APOBEC3G: variants seen among roughly 807,000 people sequenced by gnomAD.
APOBEC3G encodes DNA dC->dU-editing enzyme APOBEC-3G.
A neutral mutation model predicts 50.0 loss-of-function variants in APOBEC3G; 44 were observed. The ratio of observed to expected loss-of-function variants is 0.88; its 90% confidence interval spans 0.69 to 1.13. APOBEC3G has a LOEUF of 1.13. Ranked by LOEUF, APOBEC3G falls within the 50% of genes most tolerant of loss-of-function variation. The pLI, the probability that APOBEC3G is intolerant of heterozygous loss-of-function variation, is 0.00. For missense variants in APOBEC3G, 469 were observed against 492.0 expected (o/e 0.95, Z 0.44); for synonymous variants, 156 against 175.3 (o/e 0.89, Z 0.87).
chr22:39,080,147 C>CA, intron 2 of APOBEC3G: 1 of 483,918 alleles, frequency 2.1e-6, no homozygotes. Context: ...GTCACCCCCC[C>CA]CGACATGGAC....
chr22:39,081,173 C>T lies in APOBEC3G; in HGVS notation c.412C>T (p.Leu138=), dbSNP rs1376336348. ...DPDYQEALRS[L]CQKRDGPRAT... is the part of the protein sequence containing the mutation. Reference sequence around the variant, plus strand: ...AGATTACCAGGAGGCGCTTCGCAGCCTGTGTCAGAAAAGAGACGGTCCGCG... The same window carrying T: ...AGATTACCAGGAGGCGCTTCGCAGCTTGTGTCAGAAAAGAGACGGTCCGCG... Residue 138 remains leucine, a synonymous_variant, in exon 3 of 8, where the codon CTG becomes TTG. Coordinates refer to ENST00000407997, the MANE Select transcript of APOBEC3G (RefSeq NM_021822.4). The T allele has an allele frequency of 6.2e-7, 1 of 1,614,242 alleles. No homozygotes were observed. Among genetic ancestry groups the T allele is most frequent in the Non-Finnish European group, 8.5e-7 (1 of 1,180,050 alleles).
At chr22:39,078,213 C>T (rs1297711635) in intron 1 of APOBEC3G, among the ~76,000 whole-genome samples, 1 of 151,778 alleles carries the variant, frequency 6.6e-6, no homozygotes, top group Non-Finnish European at 1.5e-5. Flanking sequence ...GAGCTGAGGT[C>T]GCCCCATTGC....
chr22:39,084,016 G>C, intron 5 of APOBEC3G, 132 bp downstream of exon 5: 1 of 1,202,836 alleles, frequency 8.3e-7, no homozygotes, highest in South Asian at 1.6e-5. Context: ...AGCTGCTGCT[G>C]CTTGGCCCTG....
chr22:39,082,989 T>C (rs1388575354), intron 4 of APOBEC3G: 1 of 152,178 alleles, frequency 6.6e-6, no homozygotes, highest in Non-Finnish European at 1.5e-5. Flanking sequence ...CTCTCTGGGG[T>C]CCGGACATGA....
At chr22:39,078,132 G>A (rs1483144978) in intron 1 of APOBEC3G, among the ~76,000 whole-genome samples, 2 of 152,112 alleles carry the variant, frequency 1.3e-5, no homozygotes, top group South Asian at 4.1e-4. Context: ...GGTGGCGGGC[G>A]CCTGTAATCG....
At chr22:39,080,834 C>A (rs1928404659) in intron 2 of APOBEC3G, 99 bp from the exon 3 acceptor site, 4 of 1,110,988 alleles carry the variant, frequency 3.6e-6, no homozygotes, top group South Asian at 1.6e-5. Flanking sequence ...ATGGCAAGAT[C>A]TCCTGGACTC....
At position 39,083,727 on chromosome 22, in the gene APOBEC3G, C is replaced by A. The variant is rs1601523360; in HGVS notation, c.582-4C>A. ...CTCCTCTGGGCTTTTCCCCCACTTT[C>A]CAGACACTCGATGGATCCACCCACA... On this transcript the variant is annotated splice_region_variant and splice_polypyrimidine_tract_variant and intron_variant, in intron 4 of 7. Coordinates refer to ENST00000407997, the MANE Select transcript of APOBEC3G (RefSeq NM_021822.4). 1 of 1,613,496 alleles carries A rather than the reference C, an allele frequency of 6.2e-7. No individual in the cohort carries two copies. Among genetic ancestry groups the A allele is most frequent in the Non-Finnish European group, 8.5e-7 (1 of 1,179,644 alleles).
intron 4 of APOBEC3G, chr22:39,082,841 C>G (rs948523640): frequency 1.3e-5 from 2 of 152,398 alleles, no homozygotes; most frequent in African/African-American, 4.8e-5. Context: ...CACAGCCCCT[C>G]CACCCAGATG....
Position 39,087,690 on chromosome 22 carries a change from T to A in APOBEC3G, c.*269T>A. 1 of 563,444 alleles carries A rather than the reference T, an allele frequency of 1.8e-6. No individual in the cohort carries two copies. The highest frequency in any genetic ancestry group is 3.0e-6 in the Non-Finnish European group (1 of 330,858). The allele number at this position is 563,444 out of a possible 1,614,324, so 34.9% of individuals were successfully genotyped here. A position where few individuals can be genotyped will look rare whatever the true frequency, so the allele number is the denominator to read the frequency against. On this transcript the variant is annotated 3_prime_UTR_variant, in exon 8 of 8. Transcript: ENST00000407997. ...TTCAAACCTACTAATCCAGCGACAA[T>A]TTGAATCGGTTTTGTAGGTAGAGGA... is the stretch of plus-strand genomic sequence containing the variant.
chr22:39,077,534 T>C (rs1221153376), intron 1 of APOBEC3G, among the ~76,000 whole-genome samples, 156 bp downstream of exon 1: 2 of 149,894 alleles, frequency 1.3e-5, no homozygotes, highest in African/African-American at 4.9e-5. Context: ...GCCAGGCTCC[T>C]TGCCCTGCTG....
In APOBEC3G at chr22:39,077,398, C is replaced by T. The variant is rs530358566; in HGVS notation, c.17+20C>T. 10 of 1,578,996 alleles carry T rather than the reference C, an allele frequency of 6.3e-6. No homozygotes were observed. In the South Asian group the frequency reaches 9.3e-5, roughly 15 times the overall value. On this transcript the variant is annotated intron_variant, in intron 1 of 7. Coordinates refer to ENST00000407997, the MANE Select transcript of APOBEC3G (RefSeq NM_021822.4). ...CTTCAGGTACCGCTGCCCGCTCTAC[C>T]CACTGGGCCCCTCTGCTGCCCCTTC...
At chr22:39,082,053 TGGCCGGGCTGGGTGCCCACAG>T (rs1928489817) in intron 4 of APOBEC3G, 1 of 162,760 alleles carries the variant, frequency 6.1e-6, no homozygotes, top group Non-Finnish European at 1.3e-5. Context: ...CCATAGAAGA[TGGCCGGGCTGGGTGCCCACAG>T]GGCAGGCATT....
chr22:39,084,116 AC>A (rs1222472647), intron 5 of APOBEC3G, among the ~76,000 whole-genome samples: 1 of 152,148 alleles, frequency 6.6e-6, no homozygotes, highest in Non-Finnish European at 1.5e-5. Flanking sequence ...TCAGGGGCTA[AC>A]ACCACTAGTC....
chr22:39,086,482 C>T lies in APOBEC3G; in HGVS notation c.939C>T (p.Arg313=). The T allele has an allele frequency of 6.2e-7, 1 of 1,614,168 alleles. No individual in the cohort carries two copies. The highest frequency in any genetic ancestry group is 8.5e-7 in the Non-Finnish European group (1 of 1,180,024). The part of the protein sequence containing the change: ...KHVSLCIFTA[R]IYDDQGRCQE... ...TGAGCCTGTGCATCTTCACTGCCCGCATCTATGATGATCAAGGAAGATGTC... is the reference window on the plus strand; with the variant it reads ...TGAGCCTGTGCATCTTCACTGCCCGTATCTATGATGATCAAGGAAGATGTC... The change falls in exon 6 of 8, where the codon CGC becomes CGT. Residue 313 remains arginine (R), a synonymous_variant. Coordinates refer to ENST00000407997, the MANE Select transcript of APOBEC3G (RefSeq NM_021822.4).
At chr22:39,081,386 T>C (rs3736685) in intron 3 of APOBEC3G, 85 bp from the exon 4 acceptor site, 75,137 of 1,531,826 alleles carry the variant, frequency 0.049, 6,158 homozygotes, top group African/African-American at 0.37. Flanking sequence ...AACTAGTATC[T>C]AGAATATGTC....
In APOBEC3G at chr22:39,087,623, C is replaced by A; in HGVS notation, c.*202C>A. The A allele has an allele frequency of 9.2e-7, 1 of 1,082,248 alleles. No homozygotes were observed. The highest frequency in any genetic ancestry group is 1.3e-6 in the Non-Finnish European group (1 of 766,562). The allele number at this position is 1,082,248 out of a possible 1,614,324, so 67.0% of individuals were successfully genotyped here. A position where few individuals can be genotyped will look rare whatever the true frequency, so the allele number is the denominator to read the frequency against. On this transcript the variant is annotated 3_prime_UTR_variant, in exon 8 of 8. Transcript: ENST00000407997. ...TTGAATCAAAAATTTATTTATATTT[C>A]AAGAATAAAGTACTAAGATTGTGCT...
chr22:39,077,529 G>A (rs1249756395), intron 1 of APOBEC3G, 151 bp downstream of exon 1: 1 of 1,410,286 alleles, frequency 7.1e-7, no homozygotes. Context: ...TCCCAGCCAG[G>A]CTCCTTGCCC....
intron 6 of APOBEC3G, 130 bp downstream of exon 6, chr22:39,086,697 G>A: frequency 7.5e-7 from 1 of 1,328,780 alleles, no homozygotes; most frequent in Non-Finnish European, 1.0e-6. Context: ...AGAGGCGATG[G>A]CTGCACTCTG....
At position 39,083,665 on chromosome 22, in the gene APOBEC3G, A is replaced by G. The variant is rs1476642762; in HGVS notation, c.582-66A>G. 36 of 1,533,904 alleles carry G rather than the reference A, an allele frequency of 2.3e-5. No individual in the cohort carries two copies. The South Asian group carries it at 3.8e-4, about 16-fold the overall frequency. On this transcript the variant is annotated intron_variant, in intron 4 of 7. Transcript: ENST00000407997. ...GGGGTGCAAGGGAGGAAGCGTGGAG[A>G]GGGAGGGGGAGGTGGGACAGACCAG...
Sources: allele counts gnomAD v4.1 joint callset (sites outside exome capture counted in the v4.1 genomes callset), GRCh38; gene constraint gnomAD v4.1.1; transcripts MANE v1.5; gene names NCBI Gene and HGNC (gene_info 2026-07-23, HGNC 2026-07-21).